The following PHF21A variants were observed in gnomAD, a reference collection of about 807,000 sequenced individuals.
PHF21A encodes the protein BHC80a.
Under a neutral mutation model 82.5 loss-of-function variants are expected in PHF21A, and 11 were observed. The ratio of observed to expected loss-of-function variants is 0.13; its 90% CI spans 0.08 to 0.22. The LOEUF (loss-of-function observed/expected upper bound fraction) is 0.22. Among genes scored for constraint, PHF21A ranks in the 10% least tolerant of loss-of-function variants. PHF21A has a pLI of 1.00. For missense variants in PHF21A, 579 were observed against 837.8 expected, an observed-to-expected ratio of 0.69 and a Z score of 3.81; for synonymous variants, 297 against 302.8, an observed-to-expected ratio of 0.98 and a Z score of 0.20.
chr11:45,981,253 G>C (rs1215692992), intron 6 of PHF21A, among the ~76,000 whole-genome samples: 1 of 151,830 alleles, frequency 6.6e-6, no homozygotes, highest in African/African-American at 2.4e-5. Context: ...AAGCATGGTG[G>C]CACACACCTG....
intron 6 of PHF21A, among the ~76,000 whole-genome samples, chr11:46,038,864 C>T (rs757677355): frequency 6.6e-6 from 1 of 152,100 alleles, no homozygotes; most frequent in Non-Finnish European, 1.5e-5. Flanking sequence ...TCTTAAAGGC[C>T]CCATCTTTCA....
chr11:46,079,037 AAAGTT>A lies in PHF21A; in HGVS notation c.87+92_87+96del. 3 of 674,428 alleles carry A rather than the reference AAAGTT, an allele frequency of 4.4e-6. No homozygotes were observed. The South Asian group carries it at 7.1e-5, about 16-fold the overall frequency. 41.8% of individuals were successfully genotyped at this position (674,428 alleles called of 1,614,324 possible). On this transcript the variant is annotated intron_variant, in intron 5 of 18. Transcript: ENST00000676320. The stretch of plus-strand genomic sequence containing the variant: ...GCTATTAGAAATGAAATAATTCTTA[AAAGTT>A]AAGTACCATCTATATTTAAGTATTT...
intron 1 of PHF21A, among the ~76,000 whole-genome samples, chr11:46,097,218 T>C (rs1458282952): frequency 6.6e-6 from 1 of 152,164 alleles, no homozygotes; most frequent in Non-Finnish European, 1.5e-5. Flanking sequence ...CTTTTCAAAA[T>C]CCAAGACAGA....
chr11:46,069,112 C>T (rs564032180), intron 6 of PHF21A, among the ~76,000 whole-genome samples: 2 of 152,286 alleles, frequency 1.3e-5, no homozygotes, highest in Admixed American at 6.5e-5. Context: ...TACAACCTCT[C>T]GATCTTCAGA....
At chr11:45,976,261 C>T (rs867263041) in intron 7 of PHF21A, among the ~76,000 whole-genome samples, 1 of 152,182 alleles carries the variant, frequency 6.6e-6, no homozygotes, top group Non-Finnish European at 1.5e-5. Context: ...CAGGGCCCTG[C>T]TCAGATGCAA....
intron 7 of PHF21A, among the ~76,000 whole-genome samples, chr11:45,977,730 T>C (rs1471587957): frequency 2.0e-5 from 3 of 152,158 alleles, no homozygotes; most frequent in African/African-American, 4.8e-5. Context: ...GTGATTAGGG[T>C]AAAAATTTAT....
intron 6 of PHF21A, among the ~76,000 whole-genome samples, chr11:46,005,065 T>TC (rs992170407): frequency 1.2e-4 from 19 of 152,200 alleles, no homozygotes; most frequent in African/African-American, 4.3e-4. Flanking sequence ...AATACAGCAG[T>TC]CCCCCACATC....
chr11:46,017,282 A>T (rs527705661), intron 6 of PHF21A, among the ~76,000 whole-genome samples: 1 of 152,282 alleles, frequency 6.6e-6, no homozygotes, highest in African/African-American at 2.4e-5. Flanking sequence ...ACATCTATTA[A>T]TTTTTAACAG....
chr11:46,070,140 T>C (rs1014193564), intron 6 of PHF21A, among the ~76,000 whole-genome samples: 1 of 152,216 alleles, frequency 6.6e-6, no homozygotes, highest in Admixed American at 6.5e-5. Context: ...AATTATGTTG[T>C]CCTATAGATC....
intron 9 of PHF21A, among the ~76,000 whole-genome samples, chr11:45,968,697 G>A (rs1247691909): frequency 6.6e-6 from 1 of 151,994 alleles, no homozygotes; most frequent in African/African-American, 2.4e-5. Flanking sequence ...GGGAGGCCGA[G>A]GCAGGTGGAT....
intron 1 of PHF21A, among the ~76,000 whole-genome samples, chr11:46,104,615 A>G (rs1475095360): frequency 6.6e-6 from 1 of 152,160 alleles, no homozygotes; most frequent in Non-Finnish European, 1.5e-5. Context: ...CTCTCCAGCT[A>G]AATTGTTCCA....
intron 11 of PHF21A, among the ~76,000 whole-genome samples, chr11:45,951,563 G>A (rs965290064): frequency 6.6e-6 from 1 of 152,200 alleles, no homozygotes; most frequent in Non-Finnish European, 1.5e-5. Flanking sequence ...CATACACTTT[G>A]TGGTTGCCAA....
At chr11:45,954,365 A>T (rs1172970405) in intron 10 of PHF21A, among the ~76,000 whole-genome samples, 1 of 152,174 alleles carries the variant, frequency 6.6e-6, no homozygotes, top group Non-Finnish European at 1.5e-5. Flanking sequence ...TGTTAAAAAC[A>T]TCTCACATAC....
intron 3 of PHF21A, among the ~76,000 whole-genome samples, chr11:46,088,607 T>C (rs2135393584): frequency 6.6e-6 from 1 of 152,324 alleles, no homozygotes; most frequent in South Asian, 2.1e-4. Context: ...CATTTGTTTG[T>C]TTGCTTGTAA....
At chr11:46,106,740 C>T (rs1375608056) in intron 1 of PHF21A, among the ~76,000 whole-genome samples, 2 of 152,200 alleles carry the variant, frequency 1.3e-5, no homozygotes, top group African/African-American at 2.4e-5. Context: ...AGCTATCCTG[C>T]GTTCTATAAA....
At chr11:46,105,062 C>G (rs565413862) in intron 1 of PHF21A, among the ~76,000 whole-genome samples, 1 of 152,294 alleles carries the variant, frequency 6.6e-6, no homozygotes, top group South Asian at 2.1e-4. Context: ...CATTAACTCA[C>G]TTATTCCTCA....
At chr11:46,058,122 G>C (rs1184713732) in intron 6 of PHF21A, among the ~76,000 whole-genome samples, 1 of 152,142 alleles carries the variant, frequency 6.6e-6, no homozygotes, top group East Asian at 1.9e-4. Flanking sequence ...ACAGAAACTA[G>C]AAAGTCATAG....
chr11:46,059,837 C>T (rs760147167), intron 6 of PHF21A, among the ~76,000 whole-genome samples: 1 of 152,186 alleles, frequency 6.6e-6, no homozygotes, highest in African/African-American at 2.4e-5. Flanking sequence ...AGCAATTCTC[C>T]TGCCTCAGCC....
intron 6 of PHF21A, among the ~76,000 whole-genome samples, chr11:46,075,443 C>T (rs893584173): frequency 2.6e-5 from 4 of 152,166 alleles, no homozygotes; most frequent in South Asian, 2.1e-4. Flanking sequence ...GGAGGCTCAG[C>T]GCTAACAGAA....
Sources: allele counts gnomAD v4.1 joint callset (sites outside exome capture counted in the v4.1 genomes callset), GRCh38; gene constraint gnomAD v4.1.1; transcripts MANE v1.5; gene names NCBI Gene and HGNC (gene_info 2026-07-23, HGNC 2026-07-21).